LAMA3: variants seen among roughly 807,000 people sequenced by gnomAD.
LAMA3 encodes the protein laminin subunit alpha-3.
LAMA3 carries 281 observed loss-of-function variants against 402.0 expected under a neutral mutation model. That is an observed-to-expected ratio of 0.70 (90% CI 0.63 to 0.77). The LOEUF (loss-of-function observed/expected upper bound fraction) is 0.77, where lower values mean the gene tolerates loss of function less well. LAMA3 is among the 30% of genes least tolerant of loss of function. The probability of loss-of-function intolerance (pLI) is 0.00; values close to 1 mark genes in which losing one functional copy is unlikely to be tolerated. For missense variants in LAMA3, 3,840 were observed against 4,215.5 expected (o/e 0.91, Z 2.47); for synonymous variants, 1,431 against 1,558.4 (o/e 0.92, Z 1.93).
In LAMA3 at chr18:23,872,649, G is replaced by T. The variant is rs2064562011; in HGVS notation, c.4998+988G>T. On this transcript the variant is annotated intron_variant, in intron 38 of 74. Coordinates refer to ENST00000313654, the MANE Select transcript of LAMA3 (RefSeq NM_198129.4). ...CAAAGTTGTAATATTTAGCCCACAG[G>T]TTGCCTACATTCTTCCCCTTCCTCC... 1.3e-5 allele frequency among the ~76,000 whole-genome samples: 2 copies of T among 152,088 alleles called. 1 individual carries two copies. The highest frequency in any genetic ancestry group is 1.3e-4 in the Admixed American group (2 of 15,256).
At chr18:23,916,847 T>C in intron 60 of LAMA3, 152 bp downstream of exon 60, 2 of 830,448 alleles carry the variant, frequency 2.4e-6, no homozygotes, top group Non-Finnish European at 3.9e-6. Context: ...TTGTACTTTC[T>C]GTTGGCTGGG....
At chr18:23,690,084 G>A (rs1157603609) in intron 1 of LAMA3, 107 bp downstream of exon 1, 20 of 911,928 alleles carry the variant, frequency 2.2e-5, no homozygotes, top group Non-Finnish European at 7.7e-6. Flanking sequence ...TAGTGGCTCC[G>A]GGCGACTGGG....
Position 23,894,322 on chromosome 18 carries a change from A to T in LAMA3, c.5435A>T (p.Asp1812Val), listed in dbSNP as rs1379232911. Residue 1812 changes from aspartate (D) to valine (V), a missense_variant, in exon 43 of 75, where the codon GAT (aspartate) becomes GTT (valine). Coordinates refer to ENST00000313654, the MANE Select transcript of LAMA3 (RefSeq NM_198129.4). The stretch of plus-strand genomic sequence containing the variant: ...GACTGCATAAACCAAGAACCCAAAG[A>T]TAGCAGCCCTGCAGAAGAATGTGAT... ...TGDCINQEPK[D>V]SSPAEECDDC... 6.2e-7 allele frequency: 1 copy of T among 1,613,726 alleles called. No homozygotes were observed. The highest frequency in any genetic ancestry group is 8.5e-7 in the Non-Finnish European group (1 of 1,179,586).
intron 2 of LAMA3, among the ~76,000 whole-genome samples, chr18:23,720,417 C>T (rs1022437445): frequency 6.6e-6 from 1 of 152,044 alleles, no homozygotes; most frequent in Non-Finnish European, 1.5e-5. Context: ...TGCAGTGGCG[C>T]AATCTCGGCT....
At position 23,907,889 on chromosome 18, in the gene LAMA3, A is replaced by G. The variant is rs201851240; in HGVS notation, c.6969A>G (p.Thr2323=). ...GAATTAAGGACACCTATGGGAGGAC[A>G]CAGAACGAAGACTTCAAAAAGGCTC... The part of the protein sequence containing the change: ...VERIKDTYGR[T]QNEDFKKALT... Residue 2323 remains threonine, a synonymous_variant, in exon 54 of 75, where the codon ACA becomes ACG. Transcript: ENST00000313654. 4.3e-6 allele frequency: 7 copies of G among 1,614,010 alleles called. No individual in the cohort carries two copies. Among genetic ancestry groups the G allele is most frequent in the African/African-American group, 1.3e-5 (1 of 74,926 alleles).
intron 47 of LAMA3, 154 bp downstream of exon 47, chr18:23,899,609 C>A (rs1432461827): frequency 9.2e-6 from 7 of 763,898 alleles, no homozygotes; most frequent in Admixed American, 8.5e-5. Flanking sequence ...AAATTGGTAG[C>A]CCCCAGGAGT....
intron 42 of LAMA3, among the ~76,000 whole-genome samples, chr18:23,893,235 A>T (rs1440337728): frequency 6.6e-6 from 1 of 152,188 alleles, no homozygotes; most frequent in Non-Finnish European, 1.5e-5. Context: ...GCTGTTGTGA[A>T]GGTAGATAGT....
At chr18:23,944,514 A>G (rs1012376517) in intron 69 of LAMA3, among the ~76,000 whole-genome samples, 6 of 152,200 alleles carry the variant, frequency 3.9e-5, no homozygotes, top group South Asian at 4.1e-4. Flanking sequence ...ACAATCCTCA[A>G]TGTAATGTCA....
intron 10 of LAMA3, 78 bp from the exon 11 acceptor site, chr18:23,777,479 C>T: frequency 1.0e-6 from 1 of 979,964 alleles, no homozygotes; most frequent in Non-Finnish European, 1.7e-6. Context: ...GGGTGTCTTC[C>T]TAGTTAGTAC....
At chr18:23,753,670 G>C in intron 5 of LAMA3, 51 bp from the exon 6 acceptor site, 3 of 1,428,948 alleles carry the variant, frequency 2.1e-6, no homozygotes, top group Non-Finnish European at 3.0e-6. Flanking sequence ...GTAAGAGAAA[G>C]TTTTTGTCAC....
At chr18:23,865,357 A>C (rs752733020) in intron 36 of LAMA3, among the ~76,000 whole-genome samples, 2 of 152,158 alleles carry the variant, frequency 1.3e-5, no homozygotes, top group Non-Finnish European at 2.9e-5. Flanking sequence ...GGCTGGCCTC[A>C]AACTCCTAGG....
intron 20 of LAMA3, among the ~76,000 whole-genome samples, chr18:23,823,823 T>C (rs548048061): frequency 1.3e-5 from 2 of 152,352 alleles, no homozygotes; most frequent in South Asian, 2.1e-4. Flanking sequence ...GAAGAAAACA[T>C]ATTTTTTCCT....
At chr18:23,745,730 G>A (rs753444066) in intron 2 of LAMA3, among the ~76,000 whole-genome samples, 4 of 152,198 alleles carry the variant, frequency 2.6e-5, no homozygotes, top group Non-Finnish European at 5.9e-5. Flanking sequence ...GCTTAACATG[G>A]TATGTGGAAA....
chr18:23,781,483 C>T (rs568580141), intron 11 of LAMA3, among the ~76,000 whole-genome samples: 68 of 152,260 alleles, frequency 4.5e-4, no homozygotes, highest in African/African-American at 1.5e-3. Flanking sequence ...TTTACATGTA[C>T]ATGAGAGTCT....
intron 1 of LAMA3, chr18:23,709,732 G>A (rs2145889241): frequency 4.1e-6 from 2 of 484,328 alleles, no homozygotes; most frequent in South Asian, 3.7e-5. Context: ...GAAGTCCCAT[G>A]GATTCTTTTC....
chr18:23,804,218 T>C (rs1028290937), intron 12 of LAMA3, among the ~76,000 whole-genome samples: 5 of 152,220 alleles, frequency 3.3e-5, no homozygotes, highest in Non-Finnish European at 5.9e-5. Context: ...GGGTCTGCAC[T>C]GTCGTTCACT....
At chr18:23,816,343 T>C in intron 17 of LAMA3, 45 bp from the exon 18 acceptor site, 2 of 1,457,378 alleles carry the variant, frequency 1.4e-6, no homozygotes, top group Non-Finnish European at 1.9e-6. Context: ...GCGCTCAGTG[T>C]GGAGATGGTT....
At chr18:23,778,172 G>A (rs1461719420) in intron 11 of LAMA3, among the ~76,000 whole-genome samples, 2 of 152,224 alleles carry the variant, frequency 1.3e-5, no homozygotes, top group East Asian at 3.9e-4. Flanking sequence ...GTGGTGTGCA[G>A]TAAGCTGTCT....
chr18:23,701,980 G>A (rs1391161402), intron 1 of LAMA3, among the ~76,000 whole-genome samples: 1 of 152,118 alleles, frequency 6.6e-6, no homozygotes, highest in Non-Finnish European at 1.5e-5. Flanking sequence ...ATCCTGATCG[G>A]AATGATCTAG....
Sources: gnomAD v4.1 joint callset for allele counts (sites outside exome capture counted in the v4.1 genomes callset) on GRCh38, gnomAD v4.1.1 for gene constraint, MANE v1.5 for transcripts, NCBI Gene and HGNC (gene_info 2026-07-23, HGNC 2026-07-21) for gene names.